The following LYPLAL1 variants were observed in gnomAD, a reference collection of about 807,000 sequenced individuals.
The protein encoded by LYPLAL1 is lysophospholipase like 1.
LYPLAL1 carries 23 observed loss-of-function variants against 19.7 expected under a neutral mutation model. The ratio of observed to expected loss-of-function variants is 1.17; its 90% confidence interval spans 0.84 to 1.65. LYPLAL1 has a LOEUF of 1.65. LYPLAL1 is among the 40% of genes most tolerant of loss of function. LYPLAL1 has a pLI of 0.00. For synonymous variants in LYPLAL1, 119 were observed against 96.3 expected, an observed-to-expected ratio of 1.24 and a Z score of -1.38; for missense variants, 355 against 279.4, an observed-to-expected ratio of 1.27 and a Z score of -1.93.
At chr1:219,247,253 TACACTC>T in the LYPLAL1 span, among the ~76,000 whole-genome samples, 65 of 152,234 alleles carry the variant, frequency 4.3e-4, no homozygotes, top group Non-Finnish European at 7.8e-4. Flanking sequence ...ACTCCAGACT[TACACTC>T]TAACGAATGA....
chr1:219,287,881 C>T, the LYPLAL1 span, among the ~76,000 whole-genome samples: 2 of 152,096 alleles, frequency 1.3e-5, no homozygotes, highest in South Asian at 4.1e-4. Flanking sequence ...TGTAGCACTT[C>T]CCCCTTCACT....
the LYPLAL1 span, among the ~76,000 whole-genome samples, chr1:219,416,074 A>T: frequency 4.6e-5 from 7 of 152,142 alleles, no homozygotes; most frequent in East Asian, 1.4e-3. Context: ...GTTCCCATAT[A>T]CTCCACACTC....
chr1:219,367,905 A>G, the LYPLAL1 span, among the ~76,000 whole-genome samples: 7 of 151,840 alleles, frequency 4.6e-5, no homozygotes, highest in Non-Finnish European at 1.0e-4. Flanking sequence ...TCTGCTGGAC[A>G]AAAATGGTTA....
the LYPLAL1 span, among the ~76,000 whole-genome samples, chr1:219,316,980 C>T: frequency 6.6e-6 from 1 of 152,104 alleles, no homozygotes; most frequent in South Asian, 2.1e-4. Context: ...GTGATGGATG[C>T]ACAACATTAC....
At chr1:219,194,526 G>A (rs1657451992) in intron 3 of LYPLAL1, among the ~76,000 whole-genome samples, 1 of 152,032 alleles carries the variant, frequency 6.6e-6, no homozygotes, top group South Asian at 2.1e-4. Flanking sequence ...AAGGGCCAAT[G>A]AGATTCTTAA....
chr1:219,425,721 T>G, the LYPLAL1 span, among the ~76,000 whole-genome samples: 2 of 152,218 alleles, frequency 1.3e-5, no homozygotes, highest in Non-Finnish European at 2.9e-5. Context: ...AAATTTGTAC[T>G]TTTAGTGATC....
At chr1:219,386,354 T>C in the LYPLAL1 span, among the ~76,000 whole-genome samples, 1 of 152,180 alleles carries the variant, frequency 6.6e-6, no homozygotes, top group African/African-American at 2.4e-5. Context: ...AAACTAGCTG[T>C]ATGACTGACT....
intron 3 of LYPLAL1, among the ~76,000 whole-genome samples, chr1:219,199,442 CTT>C (rs796698708): frequency 6.9e-5 from 10 of 143,912 alleles, no homozygotes; most frequent in East Asian, 2.0e-4. Flanking sequence ...TAATACTGAT[CTT>C]TTTTTTTTTT....
At chr1:219,248,993 T>G in the LYPLAL1 span, among the ~76,000 whole-genome samples, 1 of 152,038 alleles carries the variant, frequency 6.6e-6, no homozygotes, top group Non-Finnish European at 1.5e-5. Flanking sequence ...TCCAAGATAG[T>G]GGTTGTATTC....
chr1:219,380,787 A>G, the LYPLAL1 span, among the ~76,000 whole-genome samples: 757 of 152,286 alleles, frequency 5.0e-3, 9 homozygotes, highest in African/African-American at 0.017. Flanking sequence ...CATAAAGTAA[A>G]TATCTTACTC....
chr1:219,284,773 A>T, the LYPLAL1 span, among the ~76,000 whole-genome samples: 2 of 152,242 alleles, frequency 1.3e-5, no homozygotes, highest in African/African-American at 4.8e-5. Context: ...GGTCCACAGG[A>T]GAGTTGGGGC....
At chr1:219,367,123 A>C in the LYPLAL1 span, among the ~76,000 whole-genome samples, 1 of 151,942 alleles carries the variant, frequency 6.6e-6, no homozygotes, top group Non-Finnish European at 1.5e-5. Context: ...TCTCGCTTTT[A>C]TTATTATTTT....
At chr1:219,250,848 G>A in the LYPLAL1 span, among the ~76,000 whole-genome samples, 2 of 151,912 alleles carry the variant, frequency 1.3e-5, no homozygotes, top group Non-Finnish European at 2.9e-5. Context: ...TAAAATGTTA[G>A]TTCTGCTTTT....
intron 3 of LYPLAL1, among the ~76,000 whole-genome samples, chr1:219,209,458 C>A (rs1459570650): frequency 6.6e-6 from 1 of 151,994 alleles, no homozygotes; most frequent in Non-Finnish European, 1.5e-5. Flanking sequence ...ATAATATGTA[C>A]CTAATCTTGG....
At chr1:219,324,451 G>C in the LYPLAL1 span, among the ~76,000 whole-genome samples, 1 of 152,152 alleles carries the variant, frequency 6.6e-6, no homozygotes, top group Non-Finnish European at 1.5e-5. Flanking sequence ...AAGAACAAAA[G>C]GTAGTGACTC....
At chr1:219,334,071 G>T in the LYPLAL1 span, among the ~76,000 whole-genome samples, 1 of 151,938 alleles carries the variant, frequency 6.6e-6, no homozygotes, top group East Asian at 1.9e-4. Context: ...TGTTTATTCA[G>T]TTTCCCCTTC....
At chr1:219,292,323 C>T in the LYPLAL1 span, among the ~76,000 whole-genome samples, 3 of 152,326 alleles carry the variant, frequency 2.0e-5, no homozygotes, top group East Asian at 5.8e-4. Context: ...TCACACCAAC[C>T]ACTGGACTCC....
chr1:219,429,649 C>T, the LYPLAL1 span, among the ~76,000 whole-genome samples: 2 of 151,792 alleles, frequency 1.3e-5, no homozygotes, highest in African/African-American at 2.4e-5. Context: ...AGAGTGAGAC[C>T]CTGTCTCAAA....
the LYPLAL1 span, among the ~76,000 whole-genome samples, chr1:219,405,342 C>T: frequency 6.6e-6 from 1 of 152,154 alleles, no homozygotes. Context: ...AGCATAAACA[C>T]AGGCAAATAA....
Sources: gnomAD v4.1 joint callset for allele counts (sites outside exome capture counted in the v4.1 genomes callset) on GRCh38, gnomAD v4.1.1 for gene constraint, MANE v1.5 for transcripts, NCBI Gene and HGNC (gene_info 2026-07-23, HGNC 2026-07-21) for gene names.